Variants in RAP1GDS1 observed in about 807,000 individuals in gnomAD.
RAP1GDS1 encodes the protein RAP1, GTP-GDP dissociation stimulator 1.
RAP1GDS1 carries 35 observed loss-of-function variants against 71.1 expected under a neutral mutation model. The observed-to-expected ratio is 0.49, with a 90% CI of 0.38 to 0.65. The LOEUF (loss-of-function observed/expected upper bound fraction) is 0.65. RAP1GDS1 is among the 30% of genes least tolerant of loss of function. RAP1GDS1 has a pLI of 0.00. For missense variants in RAP1GDS1, 663 were observed against 706.1 expected (o/e 0.94, Z 0.69); for synonymous variants, 229 against 243.1 (o/e 0.94, Z 0.54).
At chr4:98,296,375 G>T (rs1050960603) in intron 2 of RAP1GDS1, among the ~76,000 whole-genome samples, 1 of 151,888 alleles carries the variant, frequency 6.6e-6, no homozygotes, top group African/African-American at 2.4e-5. Flanking sequence ...TTGATGTATG[G>T]CTTTAGAGTG....
rs1386192161 is a variant in RAP1GDS1, at chr4:98,433,798, G to GA, written c.1441-131dup. 5 of 756,752 alleles carry GA rather than the reference G, an allele frequency of 6.6e-6. No homozygotes were observed. The Admixed American group carries it at 9.9e-5, about 15-fold the overall frequency. The allele number at this position is 756,752 out of a possible 1,614,324, so 46.9% of individuals were successfully genotyped here. A position where few individuals can be genotyped will look rare whatever the true frequency, so the allele number is the denominator to read the frequency against. On this transcript the variant is annotated intron_variant, in intron 12 of 14. Coordinates refer to ENST00000408927, the MANE Select transcript of RAP1GDS1 (RefSeq NM_001100427.2). The stretch of plus-strand genomic sequence containing the variant: ...AAGCTTTTTCCTTTTCTTCTGTGGA[G>GA]AAAAAAACTATGATTAAATCAAATG...
At chr4:98,310,494 T>A (rs1560812778) in intron 2 of RAP1GDS1, among the ~76,000 whole-genome samples, 1 of 152,198 alleles carries the variant, frequency 6.6e-6, no homozygotes, top group Non-Finnish European at 1.5e-5. Flanking sequence ...GGAAATGATC[T>A]GATTCCAGTA....
Position 98,416,729 on chromosome 4 carries a change from T to C in RAP1GDS1, c.764-16T>C, listed in dbSNP as rs1207763879. 3.8e-6 allele frequency: 6 copies of C among 1,576,506 alleles called. No homozygotes were observed. The Admixed American group carries it at 1.0e-4, about 27-fold the overall frequency. On this transcript the variant is annotated splice_polypyrimidine_tract_variant and intron_variant, in intron 7 of 14. Coordinates refer to ENST00000408927, the MANE Select transcript of RAP1GDS1 (RefSeq NM_001100427.2). Reference sequence around the variant, plus strand: ...TTATCTCAAAGTTTGATTATTTTGTTCACGTTGTTCTTTAGATGCTATTAA... The same window carrying C: ...TTATCTCAAAGTTTGATTATTTTGTCCACGTTGTTCTTTAGATGCTATTAA...
chr4:98,383,761 G>A (rs928028044), intron 5 of RAP1GDS1, among the ~76,000 whole-genome samples: 4 of 151,498 alleles, frequency 2.6e-5, no homozygotes, highest in African/African-American at 9.7e-5. Flanking sequence ...AATCTTAGCT[G>A]CTACTTTCAG....
chr4:98,340,739 A>C (rs1735381433), intron 2 of RAP1GDS1, among the ~76,000 whole-genome samples: 1 of 151,864 alleles, frequency 6.6e-6, no homozygotes, highest in South Asian at 2.1e-4. Context: ...AAAGAGCAAG[A>C]CTCCGTCTCA....
At chr4:98,401,357 A>G (rs988356102) in intron 6 of RAP1GDS1, among the ~76,000 whole-genome samples, 1 of 152,248 alleles carries the variant, frequency 6.6e-6, no homozygotes, top group Non-Finnish European at 1.5e-5. Flanking sequence ...TATAAACAAA[A>G]TTACATATAA....
chr4:98,376,264 G>A (rs1030575652), intron 4 of RAP1GDS1, among the ~76,000 whole-genome samples: 8 of 152,048 alleles, frequency 5.3e-5, no homozygotes, highest in Non-Finnish European at 1.0e-4. Context: ...TCATAGGTTA[G>A]CTGTTACTTA....
chr4:98,356,352 C>T (rs1293900389), intron 4 of RAP1GDS1, among the ~76,000 whole-genome samples: 1 of 151,978 alleles, frequency 6.6e-6, no homozygotes, highest in Non-Finnish European at 1.5e-5. Flanking sequence ...TATAACTGTA[C>T]ACATTTTAAA....
At chr4:98,294,287 A>G (rs571805926) in intron 2 of RAP1GDS1, among the ~76,000 whole-genome samples, 28 of 152,154 alleles carry the variant, frequency 1.8e-4, no homozygotes, top group Admixed American at 1.5e-3. Flanking sequence ...GTAGCTGACA[A>G]AGAATGGAGG....
At chr4:98,391,912 C>CA (rs1553994838) in intron 5 of RAP1GDS1, 40 bp from the exon 6 acceptor site, 2 of 1,532,548 alleles carry the variant, frequency 1.3e-6, no homozygotes. Context: ...GACATGTCAA[C>CA]ACTTTCTTTT....
Position 98,442,508 on chromosome 4 carries a change from A to T in RAP1GDS1, c.*391A>T. 1 of 230,774 alleles carries T rather than the reference A, an allele frequency of 4.3e-6. No homozygotes were observed. The highest frequency in any genetic ancestry group is 8.6e-6 in the Non-Finnish European group (1 of 116,386). 14.3% of individuals were successfully genotyped at this position (230,774 alleles called of 1,614,324 possible). Reference sequence around the variant, plus strand: ...TGCAGCAGGATCTGTCTAGCTTATTAAAGATGAAACTGAATTGGAAAAATA... The same window carrying T: ...TGCAGCAGGATCTGTCTAGCTTATTTAAGATGAAACTGAATTGGAAAAATA... On this transcript the variant is annotated 3_prime_UTR_variant, in exon 15 of 15. Transcript: ENST00000408927.
intron 3 of RAP1GDS1, among the ~76,000 whole-genome samples, chr4:98,343,832 C>T (rs559653345): frequency 7.2e-5 from 11 of 152,146 alleles, no homozygotes; most frequent in Non-Finnish European, 1.2e-4. Flanking sequence ...TGAATTATAT[C>T]ATAGCATAAA....
At chr4:98,429,239 CA>C (rs1750052587) in intron 12 of RAP1GDS1, among the ~76,000 whole-genome samples, 1 of 130,438 alleles carries the variant, frequency 7.7e-6, no homozygotes, top group Middle Eastern at 4.6e-3. Flanking sequence ...GCCTGGGTAA[CA>C]GTGCAAGACG....
intron 1 of RAP1GDS1, among the ~76,000 whole-genome samples, chr4:98,277,370 T>G (rs1724375983): frequency 6.6e-6 from 1 of 152,194 alleles, no homozygotes; most frequent in Admixed American, 6.5e-5. Flanking sequence ...GAATCTAATA[T>G]TGCTTCAATT....
intron 2 of RAP1GDS1, among the ~76,000 whole-genome samples, chr4:98,303,255 A>G (rs113995395): frequency 0.011 from 1,601 of 152,298 alleles, 28 homozygotes; most frequent in African/African-American, 0.037. Flanking sequence ...TTTGCCTTCT[A>G]GAAGAATCTT....
intron 7 of RAP1GDS1, among the ~76,000 whole-genome samples, chr4:98,408,124 C>G (rs556988359): frequency 6.6e-6 from 1 of 151,104 alleles, no homozygotes; most frequent in African/African-American, 2.4e-5. Flanking sequence ...TTCCCTCCCC[C>G]GCAAGATGGA....
intron 2 of RAP1GDS1, among the ~76,000 whole-genome samples, chr4:98,330,719 C>G (rs1733857837): frequency 6.6e-6 from 1 of 150,618 alleles, no homozygotes. Flanking sequence ...GGCAGAGGGG[C>G]TCCTCACATC....
intron 3 of RAP1GDS1, among the ~76,000 whole-genome samples, chr4:98,348,914 C>G (rs558512954): frequency 3.9e-5 from 6 of 152,028 alleles, no homozygotes; most frequent in East Asian, 1.9e-4. Context: ...CCATTCTGTA[C>G]GTTGCCTGTT....
chr4:98,308,535 G>A (rs1374713519), intron 2 of RAP1GDS1, among the ~76,000 whole-genome samples: 1 of 151,242 alleles, frequency 6.6e-6, no homozygotes, highest in South Asian at 2.1e-4. Flanking sequence ...CAAATTTTTT[G>A]CCGAATTAAT....
Sources: allele counts gnomAD v4.1 joint callset (sites outside exome capture counted in the v4.1 genomes callset), GRCh38; gene constraint gnomAD v4.1.1; transcripts MANE v1.5; gene names NCBI Gene and HGNC (gene_info 2026-07-23, HGNC 2026-07-21).